The following PCLO variants were observed in gnomAD, a reference collection of about 807,000 sequenced individuals.
The protein encoded by PCLO is protein piccolo.
A neutral mutation model predicts 427.5 loss-of-function variants in PCLO; 82 were observed. That is an observed-to-expected ratio of 0.19 (90% CI 0.16 to 0.23). The LOEUF is 0.23. Ranked by LOEUF, PCLO falls within the 10% of genes least tolerant of loss-of-function variation. The pLI is 1.00. For synonymous variants in PCLO, 2,357 were observed against 2,155.4 expected, an observed-to-expected ratio of 1.09 and a Z score of -2.59; for missense variants, 6,239 against 6,115.9, an observed-to-expected ratio of 1.02 and a Z score of -0.67.
At chr7:82,781,207 T>G (rs1361758692) in intron 22 of PCLO, among the ~76,000 whole-genome samples, 1 of 151,742 alleles carries the variant, frequency 6.6e-6, no homozygotes, top group East Asian at 1.9e-4. Context: ...AAAAAGATCA[T>G]GTTCCTGACA....
At chr7:82,893,930 G>A (rs1399950351) in intron 9 of PCLO, among the ~76,000 whole-genome samples, 1 of 151,692 alleles carries the variant, frequency 6.6e-6, no homozygotes, top group African/African-American at 2.4e-5. Context: ...GGAATATTTA[G>A]AAACCATCAT....
intron 10 of PCLO, among the ~76,000 whole-genome samples, chr7:82,863,936 C>A (rs77127082): frequency 6.6e-6 from 1 of 151,720 alleles, no homozygotes; most frequent in Non-Finnish European, 1.5e-5. Flanking sequence ...TTATTTTGCC[C>A]ATTTTTTTTC....
intron 22 of PCLO, among the ~76,000 whole-genome samples, chr7:82,778,680 G>A (rs1790806704): frequency 6.6e-6 from 1 of 151,952 alleles, no homozygotes; most frequent in Non-Finnish European, 1.5e-5. Flanking sequence ...TTTTTACAAT[G>A]TGAAGTACTA....
At chr7:83,002,869 T>C (rs1787857525) in intron 3 of PCLO, among the ~76,000 whole-genome samples, 3 of 151,846 alleles carry the variant, frequency 2.0e-5, no homozygotes, top group African/African-American at 4.8e-5. Flanking sequence ...TGAGGTCTAA[T>C]GGTAAGCAAG....
chr7:82,773,957 A>G (rs890897986), intron 22 of PCLO, among the ~76,000 whole-genome samples: 26 of 152,130 alleles, frequency 1.7e-4, no homozygotes, highest in South Asian at 6.2e-4. Flanking sequence ...AGAGGTTATG[A>G]CTTCCTACAA....
chr7:82,889,443 A>G (rs1793706886), intron 9 of PCLO, among the ~76,000 whole-genome samples: 1 of 152,182 alleles, frequency 6.6e-6, no homozygotes, highest in Non-Finnish European at 1.5e-5. Flanking sequence ...CTTCTGAACT[A>G]AGTTACAATA....
chr7:82,953,965 G>A lies in PCLO; in HGVS notation c.6988C>T (p.Arg2330Ter). The change falls in exon 5 of 25, where the codon CGA becomes TGA. Residue 2330 changes from arginine to a stop codon, truncating the protein, a stop_gained. Transcript: ENST00000333891. LOFTEE classifies it high-confidence loss of function. ...GTTTCGGATAAGCTACTTTTTGTTC[G>A]TTCGGCCTCCAACTCCTTTTTATCT... Reference protein sequence around the residue: ...YRDKKELEAERTKSSLSETVF... With the variant: ...YRDKKELEAE 6.2e-7 allele frequency: 1 copy of A among 1,613,862 alleles called. No homozygotes were observed. Among genetic ancestry groups the A allele is most frequent in the South Asian group, 1.1e-5 (1 of 91,074 alleles).
At position 82,952,226 on chromosome 7, in the gene PCLO, G is replaced by A. The variant is rs1326525804; in HGVS notation, c.8727C>T (p.Val2909=). 7.4e-6 allele frequency: 12 copies of A among 1,613,640 alleles called. No homozygotes were observed. The highest frequency in any genetic ancestry group is 1.7e-5 in the Admixed American group (1 of 59,994). Residue 2909 remains valine, a synonymous_variant, in exon 5 of 25, where the codon GTC becomes GTT. Coordinates refer to ENST00000333891, the MANE Select transcript of PCLO (RefSeq NM_033026.6). The part of the protein sequence containing the change: ...DLSTTKSHRT[V]VTMDESTSSV... The stretch of plus-strand genomic sequence containing the variant: ...TTGAAGTAGACTCATCCATTGTTAC[G>A]ACTGTTCTGTGAGACTTGGTTGTAC...
intron 24 of PCLO, among the ~76,000 whole-genome samples, chr7:82,759,862 T>A (rs2129467501): frequency 6.6e-6 from 1 of 152,074 alleles, no homozygotes; most frequent in Middle Eastern, 3.4e-3. Context: ...CTAGAGAAAC[T>A]GATAGCATAG....
Position 83,156,338 on chromosome 7 carries a change from G to A in PCLO, c.303C>T (p.Asp101=), listed in dbSNP as rs1792299149. ...GACCAGGTTGAGCTGGACGCCCAGG[G>A]TCCGGGGGTCTTCCTGATTGCTTTG... ...HPPKQSGRPP[D]PGRPAQPGLS... The change falls in exon 2 of 25, where the codon GAC becomes GAT. Residue 101 remains aspartate (D), a synonymous_variant. Transcript: ENST00000333891. The A allele has an allele frequency of 1.2e-6, 2 of 1,612,578 alleles. No homozygotes were observed. Among genetic ancestry groups the A allele is most frequent in the Non-Finnish European group, 8.5e-7 (1 of 1,179,512 alleles).
At chr7:83,022,100 T>C (rs1220505679) in intron 3 of PCLO, among the ~76,000 whole-genome samples, 2 of 152,116 alleles carry the variant, frequency 1.3e-5, no homozygotes, top group African/African-American at 2.4e-5. Context: ...ACTGAAGTGA[T>C]GAGGGAGGAG....
chr7:82,809,492 C>G (rs1791522731), intron 20 of PCLO, among the ~76,000 whole-genome samples: 1 of 151,614 alleles, frequency 6.6e-6, no homozygotes, highest in Non-Finnish European at 1.5e-5. Flanking sequence ...TGTCTGGACT[C>G]TTGTAGCACA....
chr7:83,116,701 T>C (rs368198572), intron 3 of PCLO, among the ~76,000 whole-genome samples: 14 of 152,172 alleles, frequency 9.2e-5, no homozygotes, highest in Admixed American at 6.5e-4. Flanking sequence ...TTATTAACTA[T>C]ATCACCATGT....
intron 3 of PCLO, among the ~76,000 whole-genome samples, chr7:83,032,285 A>T (rs960455006): frequency 6.6e-6 from 1 of 151,624 alleles, no homozygotes; most frequent in African/African-American, 2.4e-5. Flanking sequence ...CTTTACTAGC[A>T]CTCCTTCTTA....
intron 24 of PCLO, 43 bp from the exon 25 acceptor site, chr7:82,758,758 ATATACATG>A: frequency 8.2e-7 from 1 of 1,222,950 alleles, no homozygotes; most frequent in South Asian, 1.3e-5. Context: ...ATTTATACAC[ATATACATG>A]TGTATAGTTT....
chr7:82,762,189 G>A (rs752911173), intron 22 of PCLO, among the ~76,000 whole-genome samples: 1 of 152,124 alleles, frequency 6.6e-6, no homozygotes, highest in East Asian at 1.9e-4. Flanking sequence ...AAGAGGAAAG[G>A]TTCTGAAGTA....
chr7:82,922,311 AC>A (rs1237366599), intron 6 of PCLO, among the ~76,000 whole-genome samples: 2 of 152,040 alleles, frequency 1.3e-5, no homozygotes, highest in African/African-American at 4.8e-5. Context: ...AGCACTATTC[AC>A]GACAGCAAAG....
intron 8 of PCLO, among the ~76,000 whole-genome samples, chr7:82,904,618 G>A (rs922788327): frequency 9.2e-5 from 14 of 151,810 alleles, no homozygotes; most frequent in Non-Finnish European, 1.2e-4. Context: ...AATAAACTAA[G>A]AAAACACAAT....
intron 3 of PCLO, among the ~76,000 whole-genome samples, chr7:82,991,707 A>G (rs938354932): frequency 6.6e-6 from 1 of 152,116 alleles, no homozygotes; most frequent in Non-Finnish European, 1.5e-5. Flanking sequence ...GATACTGCTC[A>G]TTTTGAAAAC....
Sources: allele counts gnomAD v4.1 joint callset (sites outside exome capture counted in the v4.1 genomes callset), GRCh38; gene constraint gnomAD v4.1.1; transcripts MANE v1.5; gene names NCBI Gene and HGNC (gene_info 2026-07-23, HGNC 2026-07-21).